Variants in GABRG2 observed in about 807,000 individuals in gnomAD.
GABRG2 encodes the protein gamma-aminobutyric acid type A receptor subunit gamma2.
In GABRG2, 16 loss-of-function variants were observed where a neutral mutation model predicts 56.4. The observed-to-expected ratio is 0.28, with a 90% confidence interval of 0.19 to 0.43. The LOEUF (loss-of-function observed/expected upper bound fraction) is 0.43, where lower values mean the gene tolerates loss of function less well. Ranked by LOEUF, GABRG2 falls within the 20% of genes least tolerant of loss-of-function variation. The pLI, the probability that GABRG2 is intolerant of heterozygous loss-of-function variation, is 1.00. For missense variants in GABRG2, 327 were observed against 582.7 expected, an observed-to-expected ratio of 0.56 and a Z score of 4.52; for synonymous variants, 208 against 205.5, an observed-to-expected ratio of 1.01 and a Z score of -0.10.
chr5:162,123,232 G>C (rs7728001), intron 6 of GABRG2, among the ~76,000 whole-genome samples: 18,135 of 151,558 alleles, frequency 0.12, 1,151 homozygotes, highest in African/African-American at 0.13. Context: ...TCATCCTCCT[G>C]ATATTTTTTT....
Position 162,067,893 on chromosome 5 carries a change from A to G in GABRG2, c.-107A>G. ...CCCCAGTGAAGGACCTACTAGAGGC[A>G]GGTGGGGGGAGCCACCATCAGATCA... is the stretch of plus-strand genomic sequence containing the variant. On this transcript the variant is annotated 5_prime_UTR_variant, in exon 1 of 10. Transcript: ENST00000639213. 2.6e-6 allele frequency: 2 copies of G among 775,586 alleles called. No individual in the cohort carries two copies. The highest frequency in any genetic ancestry group is 2.5e-5 in the East Asian group (1 of 39,746). 48.0% of individuals were successfully genotyped at this position (775,586 alleles called of 1,614,324 possible). A position where few individuals can be genotyped will look rare whatever the true frequency, so the allele number is the denominator to read the frequency against.
chr5:162,142,444 A>C (rs1764642234), intron 7 of GABRG2, 128 bp downstream of exon 7: 3 of 1,008,172 alleles, frequency 3.0e-6, no homozygotes, highest in South Asian at 2.7e-5. Flanking sequence ...CATTTGTTTC[A>C]TATTCAAGAG....
At chr5:162,115,135 A>G (rs992375569) in intron 6 of GABRG2, among the ~76,000 whole-genome samples, 8 of 152,148 alleles carry the variant, frequency 5.3e-5, no homozygotes, top group African/African-American at 1.7e-4. Flanking sequence ...TGCATACCCT[A>G]TGATTCCCAT....
At chr5:162,108,519 T>C (rs1230171004) in intron 6 of GABRG2, among the ~76,000 whole-genome samples, 1 of 152,162 alleles carries the variant, frequency 6.6e-6, no homozygotes, top group African/African-American at 2.4e-5. Context: ...CTTAAATCAG[T>C]GGCATCTCTT....
At chr5:162,144,330 C>G (rs1342910514) in intron 7 of GABRG2, among the ~76,000 whole-genome samples, 1 of 152,176 alleles carries the variant, frequency 6.6e-6, no homozygotes, top group African/African-American at 2.4e-5. Flanking sequence ...ATCAATCTGT[C>G]CTCTTGAAGC....
chr5:162,135,513 G>A (rs1764058531), intron 6 of GABRG2, among the ~76,000 whole-genome samples: 4 of 152,080 alleles, frequency 2.6e-5, no homozygotes, highest in Admixed American at 2.0e-4. Context: ...ATAAAATAGT[G>A]AGCAAAATAG....
intron 6 of GABRG2, among the ~76,000 whole-genome samples, chr5:162,106,970 C>T (rs2223090): frequency 0.82 from 124,373 of 151,856 alleles, 51,055 homozygotes; most frequent in Admixed American, 0.85. Context: ...AGCCAAGTAC[C>T]TCTTAGTTAT....
At chr5:162,136,491 G>A (rs957882529) in intron 6 of GABRG2, among the ~76,000 whole-genome samples, 2 of 152,048 alleles carry the variant, frequency 1.3e-5, no homozygotes, top group Non-Finnish European at 2.9e-5. Context: ...GGTGGTGGTG[G>A]TGGTGGCATA....
chr5:162,095,217 C>G (rs1264372806), intron 2 of GABRG2, among the ~76,000 whole-genome samples: 1 of 152,068 alleles, frequency 6.6e-6, no homozygotes, highest in African/African-American at 2.4e-5. Flanking sequence ...AAGCTAAGAG[C>G]AGCATTTTCT....
At chr5:162,117,441 T>TG (rs1046110005) in intron 6 of GABRG2, among the ~76,000 whole-genome samples, 2 of 151,472 alleles carry the variant, frequency 1.3e-5, no homozygotes, top group Non-Finnish European at 2.9e-5. Flanking sequence ...ATTCTTTTCA[T>TG]GGAAAAAAAA....
intron 1 of GABRG2, among the ~76,000 whole-genome samples, chr5:162,069,917 A>AAAT (rs1257357939): frequency 2.0e-5 from 3 of 152,182 alleles, no homozygotes; most frequent in African/African-American, 7.2e-5. Context: ...CTGTGGATTA[A>AAAT]AATCTAGACA....
chr5:162,122,912 AT>A (rs1763071358), intron 6 of GABRG2, among the ~76,000 whole-genome samples: 1 of 151,692 alleles, frequency 6.6e-6, no homozygotes, highest in Admixed American at 6.6e-5. Flanking sequence ...AAATTACCTT[AT>A]TTTGTTGATT....
rs1210876325 is a variant in GABRG2 at position 162,155,458 on chromosome 5, G to A, written c.*2090G>A. 6.6e-6 allele frequency: 1 copy of A among 150,920 alleles called. No individual in the cohort carries two copies. Among genetic ancestry groups the A allele is most frequent in the African/African-American group, 2.4e-5 (1 of 40,986 alleles). 9.3% of individuals were successfully genotyped at this position (150,920 alleles called of 1,614,324 possible). On this transcript the variant is annotated 3_prime_UTR_variant, in exon 10 of 10. Coordinates refer to ENST00000639213, the MANE Select transcript of GABRG2 (RefSeq NM_198904.4). ...AAGCTGCTCCCTGTCTATGTATTTG[G>A]AAACCTTTTCACAAAGGGAATTGCC...
chr5:162,069,970 A>G (rs187738250), intron 1 of GABRG2, among the ~76,000 whole-genome samples: 3 of 152,174 alleles, frequency 2.0e-5, no homozygotes, highest in Non-Finnish European at 4.4e-5. Context: ...TCTCCATCTT[A>G]GTAAACAGTT....
intron 1 of GABRG2, among the ~76,000 whole-genome samples, chr5:162,083,861 C>G (rs982211867): frequency 6.6e-6 from 1 of 151,774 alleles, no homozygotes; most frequent in African/African-American, 2.4e-5. Context: ...TTTGCCACAT[C>G]TAAGTAATAC....
chr5:162,145,041 C>T (rs1764853956), intron 7 of GABRG2, among the ~76,000 whole-genome samples: 2 of 152,014 alleles, frequency 1.3e-5, no homozygotes, highest in Admixed American at 6.5e-5. Context: ...CATTGAGTCC[C>T]ATTACTTTTC....
In GABRG2 at chr5:162,093,883, T is replaced by C; in HGVS notation, c.163T>C (p.Trp55Arg). 6.2e-7 allele frequency: 1 copy of C among 1,613,294 alleles called. No homozygotes were observed. Among genetic ancestry groups the C allele is most frequent in the South Asian group, 1.1e-5 (1 of 91,080 alleles). Reference protein sequence around the residue: ...DYEDYASNKTWVLTPKVPEGD... With the variant: ...DYEDYASNKTRVLTPKVPEGD... The stretch of plus-strand genomic sequence containing the variant: ...TGAAGATTATGCTTCTAACAAAACA[T>C]GGGTCTTGACTCCAAAAGTTCCTGA... The change falls in exon 2 of 10, where the codon TGG becomes CGG. Residue 55 changes from tryptophan to arginine, a missense_variant. Trp to Arg is a moderately radical substitution (Grantham distance 101, BLOSUM62 -3). This residue lies in a region of GABRG2 where 73 missense variants were observed against 72.2 expected (regional missense o/e 1.01). Transcript: ENST00000639213.
intron 1 of GABRG2, among the ~76,000 whole-genome samples, chr5:162,069,923 A>G (rs1221233577): frequency 6.6e-6 from 1 of 152,172 alleles, no homozygotes; most frequent in African/African-American, 2.4e-5. Flanking sequence ...ATTAAAATCT[A>G]GACAAGACAC....
At chr5:162,140,536 A>T (rs1361360903) in intron 6 of GABRG2, among the ~76,000 whole-genome samples, 1 of 152,174 alleles carries the variant, frequency 6.6e-6, no homozygotes, top group Non-Finnish European at 1.5e-5. Context: ...CTTGTAGGGC[A>T]CCTTATTTTC....
Sources: allele counts gnomAD v4.1 joint callset (sites outside exome capture counted in the v4.1 genomes callset), GRCh38; gene constraint gnomAD v4.1.1; regional missense constraint gnomAD v4.1.1; transcripts MANE v1.5; gene names NCBI Gene and HGNC (gene_info 2026-07-23, HGNC 2026-07-21).